Variants in PDE4D observed in about 807,000 individuals in gnomAD.
PDE4D encodes the protein phosphodiesterase 4D.
Under a neutral mutation model 87.4 loss-of-function variants are expected in PDE4D, and 24 were observed. The ratio of observed to expected loss-of-function variants is 0.27; its 90% CI spans 0.20 to 0.39. The LOEUF is 0.39. Ranked by LOEUF, PDE4D falls within the 10% of genes least tolerant of loss-of-function variation. The pLI is 1.00. For synonymous variants in PDE4D, 384 were observed against 383.2 expected (o/e 1.00, Z -0.02); for missense variants, 714 against 1,041.0 (o/e 0.69, Z 4.32).
intron 1 of PDE4D, among the ~76,000 whole-genome samples, chr5:59,660,459 T>A (rs571118424): frequency 1.3e-5 from 2 of 152,252 alleles, no homozygotes; most frequent in South Asian, 4.2e-4. Flanking sequence ...GGCTTCATTA[T>A]TTTTTTCCTC....
In PDE4D at chr5:60,117,697, C is replaced by T. The variant is rs1172128586; in HGVS notation, c.42+67860G>A. ...CCATCTTGAATAGTTACTATTCTTT[C>T]TGGTTCCTTTCCTTTTCTCACCATA... On this transcript the variant is annotated intron_variant, in intron 2 of 16. Transcript: ENST00000502484. Among the ~76,000 whole-genome samples, 3 of 152,048 alleles carry T rather than the reference C, an allele frequency of 2.0e-5. No homozygotes were observed. In the East Asian group the frequency reaches 5.8e-4, roughly 29 times the overall value.
chr5:60,520,526 C>A (rs977269643), intron 1 of PDE4D, among the ~76,000 whole-genome samples: 1 of 152,236 alleles, frequency 6.6e-6, no homozygotes. Context: ...CCTCCTCATT[C>A]ACTCTCTTTA....
At chr5:59,018,278 C>T (rs1754440415) in intron 6 of PDE4D, among the ~76,000 whole-genome samples, 2 of 152,186 alleles carry the variant, frequency 1.3e-5, no homozygotes, top group African/African-American at 4.8e-5. Flanking sequence ...GCATAATTTT[C>T]TCAGAATGCA....
At chr5:60,305,323 T>TA (rs1422673595) in intron 1 of PDE4D, among the ~76,000 whole-genome samples, 1 of 151,790 alleles carries the variant, frequency 6.6e-6, no homozygotes, top group African/African-American at 2.4e-5. Context: ...ACATAGAAAT[T>TA]AAAAGCAAAG....
chr5:60,400,165 C>T (rs1740930347), intron 1 of PDE4D, among the ~76,000 whole-genome samples: 1 of 152,202 alleles, frequency 6.6e-6, no homozygotes, highest in Non-Finnish European at 1.5e-5. Context: ...GAACCATACT[C>T]ACTACACAAG....
Position 60,487,486 on chromosome 5 carries a change from G to C in PDE4D, c.-90+456C>G, listed in dbSNP as rs144023683. 1.4e-4 allele frequency among the ~76,000 whole-genome samples: 21 copies of C among 152,248 alleles called. No homozygotes were observed. In the East Asian group the frequency reaches 3.5e-3, roughly 25 times the overall value. ...GCTGCCATCATTTTACATTTCTCCT[G>C]TTACTGTGCCCTATCTGCTGTGTAC... On this transcript the variant is annotated intron_variant, in intron 1 of 16. Coordinates refer to the PDE4D transcript ENST00000502484.
intron 1 of PDE4D, among the ~76,000 whole-genome samples, chr5:59,588,774 A>G (rs1825545691): frequency 1.3e-5 from 2 of 152,172 alleles, no homozygotes; most frequent in African/African-American, 4.8e-5. Flanking sequence ...CTACAGCATA[A>G]AAGAATCTTG....
chr5:60,495,606 C>CA (rs1309502519), intron 1 of PDE4D, among the ~76,000 whole-genome samples: 4 of 152,204 alleles, frequency 2.6e-5, no homozygotes, highest in Non-Finnish European at 5.9e-5. Context: ...CAATCAGAAT[C>CA]AATCCCAACT....
At chr5:60,329,563 T>A (rs1033300854) in intron 1 of PDE4D, among the ~76,000 whole-genome samples, 7 of 152,232 alleles carry the variant, frequency 4.6e-5, no homozygotes, top group Non-Finnish European at 5.9e-5. Context: ...CAGTTCTACC[T>A]GGGACTCTAT....
At chr5:60,148,949 A>C (rs1282328957) in intron 2 of PDE4D, among the ~76,000 whole-genome samples, 1 of 152,194 alleles carries the variant, frequency 6.6e-6, no homozygotes, top group African/African-American at 2.4e-5. Flanking sequence ...TTTTCAGGGC[A>C]AAGTAAAGGG....
intron 1 of PDE4D, among the ~76,000 whole-genome samples, chr5:59,574,154 T>TTA (rs767299592): frequency 7.9e-4 from 70 of 88,922 alleles, no homozygotes; most frequent in East Asian, 5.0e-3. Flanking sequence ...AAATATATAT[T>TTA]TATATATATA....
intron 5 of PDE4D, among the ~76,000 whole-genome samples, chr5:59,087,153 C>T (rs73093356): frequency 0.015 from 2,245 of 152,148 alleles, 46 homozygotes; most frequent in African/African-American, 0.051. Context: ...AGGCACATTA[C>T]GCAGAAAATG....
chr5:59,368,412 C>T (rs1296481855), intron 1 of PDE4D, among the ~76,000 whole-genome samples: 6 of 152,112 alleles, frequency 3.9e-5, no homozygotes, highest in African/African-American at 1.2e-4. Context: ...CGTTAGTATG[C>T]TTATGAGTGC....
intron 1 of PDE4D, among the ~76,000 whole-genome samples, chr5:59,427,292 TACACACACACAC>T (rs60646746): frequency 0.012 from 1,627 of 132,344 alleles, 9 homozygotes; most frequent in South Asian, 0.019. Context: ...AGTGATTTTA[TACACACACACAC>T]ACACACACAC....
At chr5:60,469,583 T>C (rs998639873) in intron 1 of PDE4D, among the ~76,000 whole-genome samples, 2 of 152,222 alleles carry the variant, frequency 1.3e-5, no homozygotes, top group African/African-American at 4.8e-5. Flanking sequence ...GTTGAGCAAG[T>C]CTATCAGCAC....
At chr5:60,226,689 TA>T (rs1745146864) in intron 1 of PDE4D, among the ~76,000 whole-genome samples, 1 of 152,064 alleles carries the variant, frequency 6.6e-6, no homozygotes, top group African/African-American at 2.4e-5. Flanking sequence ...AAGGCTACCC[TA>T]AACTGGAATG....
At chr5:60,302,410 T>C (rs1455357220) in intron 1 of PDE4D, among the ~76,000 whole-genome samples, 1 of 152,212 alleles carries the variant, frequency 6.6e-6, no homozygotes, top group Non-Finnish European at 1.5e-5. Flanking sequence ...GGTGTATGTG[T>C]CCAGGAATTT....
chr5:60,022,977 G>C (rs1433261651), intron 2 of PDE4D, among the ~76,000 whole-genome samples: 1 of 151,920 alleles, frequency 6.6e-6, no homozygotes, highest in Non-Finnish European at 1.5e-5. Context: ...GCCTCAGCTC[G>C]ACCTGTCACC....
At chr5:59,261,857 A>C (rs1294519989) in intron 1 of PDE4D, among the ~76,000 whole-genome samples, 1 of 151,862 alleles carries the variant, frequency 6.6e-6, no homozygotes, top group African/African-American at 2.4e-5. Flanking sequence ...GAATAAAAAT[A>C]TCTCTTATTA....
Sources: gnomAD v4.1 joint callset for allele counts (sites outside exome capture counted in the v4.1 genomes callset) on GRCh38, gnomAD v4.1.1 for gene constraint, MANE v1.5 for transcripts, NCBI Gene and HGNC (gene_info 2026-07-23, HGNC 2026-07-21) for gene names.